Variants in KLHL24 observed in about 807,000 individuals in gnomAD.
The protein encoded by KLHL24 is kelch-like protein 24.
In KLHL24, 29 loss-of-function variants were observed where a neutral mutation model predicts 53.4. The observed-to-expected ratio is 0.54, with a 90% CI of 0.40 to 0.74. The LOEUF (loss-of-function observed/expected upper bound fraction) is 0.74. Ranked by LOEUF, KLHL24 falls within the 30% of genes least tolerant of loss-of-function variation. The pLI, the probability that KLHL24 is intolerant of heterozygous loss-of-function variation, is 0.00. For missense variants in KLHL24, 504 were observed against 744.0 expected (o/e 0.68, Z 3.75); for synonymous variants, 222 against 253.7 (o/e 0.88, Z 1.19).
chr3:183,675,194 T>A (rs2108891552), intron 7 of KLHL24, among the ~76,000 whole-genome samples: 1 of 152,302 alleles, frequency 6.6e-6, no homozygotes, highest in East Asian at 1.9e-4. Context: ...CAGAGGGACT[T>A]AATTTTAAGA....
At chr3:183,647,667 C>T (rs933312453) in intron 2 of KLHL24, among the ~76,000 whole-genome samples, 7 of 150,548 alleles carry the variant, frequency 4.6e-5, no homozygotes, top group Non-Finnish European at 8.9e-5. Flanking sequence ...GCCAAGATGG[C>T]GCCACTACAC....
intron 5 of KLHL24, 67 bp downstream of exon 5, chr3:183,665,106 T>G: frequency 1.3e-6 from 1 of 795,344 alleles, no homozygotes; most frequent in Non-Finnish European, 2.2e-6. Flanking sequence ...AGCTGAATCT[T>G]TCATTTTACT....
At chr3:183,638,447 C>CTACTA (rs1715744170) in intron 1 of KLHL24, among the ~76,000 whole-genome samples, 1 of 151,674 alleles carries the variant, frequency 6.6e-6, no homozygotes, top group African/African-American at 2.4e-5. Flanking sequence ...TTATTTTTGT[C>CTACTA]TATTTGACAA....
At chr3:183,662,693 T>G (rs888186036) in intron 3 of KLHL24, among the ~76,000 whole-genome samples, 2 of 152,194 alleles carry the variant, frequency 1.3e-5, no homozygotes, top group Non-Finnish European at 2.9e-5. Flanking sequence ...GTTTTTTGCA[T>G]TCTAAAAATA....
At chr3:183,656,227 C>G (rs912011544) in intron 3 of KLHL24, among the ~76,000 whole-genome samples, 1 of 151,808 alleles carries the variant, frequency 6.6e-6, no homozygotes, top group East Asian at 1.9e-4. Context: ...TGGGGTTTCC[C>G]CATGTTGCTC....
chr3:183,656,807 C>T (rs1221011054), intron 3 of KLHL24, among the ~76,000 whole-genome samples: 5 of 151,936 alleles, frequency 3.3e-5, no homozygotes, highest in African/African-American at 9.7e-5. Context: ...CGCCTGTAAT[C>T]CCAGCTCTCA....
At chr3:183,637,781 C>A (rs895743283) in intron 1 of KLHL24, among the ~76,000 whole-genome samples, 1 of 152,186 alleles carries the variant, frequency 6.6e-6, no homozygotes, top group East Asian at 1.9e-4. Flanking sequence ...GCCTTAGTTT[C>A]CCGAGTAGCT....
rs1184117914 is a variant in KLHL24, at chr3:183,660,578, G to A, written c.921-2880G>A. Among the ~76,000 whole-genome samples, 4 of 151,992 alleles carry A rather than the reference G, an allele frequency of 2.6e-5. No individual in the cohort carries two copies. The East Asian group carries it at 5.8e-4, about 22-fold the overall frequency. ...TTAAGTAAGATGAGCATCTTTGGTG[G>A]CTACATATTTAAGCATGTCTGTGAT... On this transcript the variant is annotated intron_variant, in intron 3 of 7. Transcript: ENST00000242810.
intron 6 of KLHL24, 105 bp from the exon 7 acceptor site, chr3:183,672,191 A>G (rs1721420930): frequency 5.5e-6 from 3 of 544,910 alleles, no homozygotes; most frequent in Admixed American, 7.5e-5. Flanking sequence ...CTGAATTAAT[A>G]GGATTTTATT....
chr3:183,646,976 A>T (rs1219600436), intron 2 of KLHL24, among the ~76,000 whole-genome samples: 2 of 133,778 alleles, frequency 1.5e-5, no homozygotes, highest in African/African-American at 2.8e-5. Flanking sequence ...CGCCCAGCTA[A>T]TTTTTTTTTT....
At chr3:183,645,786 C>T (rs1272024497) in intron 2 of KLHL24, among the ~76,000 whole-genome samples, 1 of 152,148 alleles carries the variant, frequency 6.6e-6, no homozygotes, top group Admixed American at 6.5e-5. Flanking sequence ...CCATAACATA[C>T]ATGTAGAGGA....
chr3:183,644,160 G>A (rs1372733122), intron 2 of KLHL24: 2 of 144,474 alleles, frequency 1.4e-5, no homozygotes, highest in Non-Finnish European at 3.0e-5. Flanking sequence ...CCTGTCTCCT[G>A]GGTTCAAGTG....
chr3:183,641,949 G>A (rs116650485), intron 1 of KLHL24, among the ~76,000 whole-genome samples: 16 of 152,228 alleles, frequency 1.1e-4, no homozygotes, highest in African/African-American at 3.4e-4. Flanking sequence ...AAATGTCCAG[G>A]TGAATTGCCT....
chr3:183,668,115 C>T (rs1720832411), intron 5 of KLHL24, among the ~76,000 whole-genome samples: 1 of 150,542 alleles, frequency 6.6e-6, no homozygotes, highest in Non-Finnish European at 1.5e-5. Flanking sequence ...GACAGATTTA[C>T]TGGAAATAAA....
At position 183,680,685 on chromosome 3, in the gene KLHL24, T is replaced by G. The variant is rs1337469637; in HGVS notation, c.*1399T>G. The G allele has an allele frequency of 6.6e-6, 1 of 152,204 alleles. No individual in the cohort carries two copies. The highest frequency in any genetic ancestry group is 1.5e-5 in the Non-Finnish European group (1 of 68,022). The allele number at this position is 152,204 out of a possible 1,614,324, so 9.4% of individuals were successfully genotyped here. ...AGTTTTCAGAGAGGAATGTGAATTTTTTTTCTAATGCAAATAAATGGATAT... is the reference window on the plus strand; with the variant it reads ...AGTTTTCAGAGAGGAATGTGAATTTGTTTTCTAATGCAAATAAATGGATAT... On this transcript the variant is annotated 3_prime_UTR_variant, in exon 8 of 8. Transcript: ENST00000242810.
intron 6 of KLHL24, 28 bp downstream of exon 6, chr3:183,671,250 C>A: frequency 6.3e-7 from 1 of 1,579,328 alleles, no homozygotes; most frequent in East Asian, 2.3e-5. Context: ...AAAGAAATTA[C>A]CAATATTAAG....
At chr3:183,640,405 ATTGT>A (rs1212551804) in intron 1 of KLHL24, among the ~76,000 whole-genome samples, 1 of 152,072 alleles carries the variant, frequency 6.6e-6, no homozygotes, top group Non-Finnish European at 1.5e-5. Flanking sequence ...AGTCTGACAC[ATTGT>A]TTAAGCTTTC....
rs535437172 is a variant in KLHL24, at chr3:183,680,829, A to G, written c.*1543A>G. Reference sequence around the variant, plus strand: ...TGACTTCCAGTCACTGTTGTCTTTCACATTATAATTTGTATATTTCTTGTG... The same window carrying G: ...TGACTTCCAGTCACTGTTGTCTTTCGCATTATAATTTGTATATTTCTTGTG... On this transcript the variant is annotated 3_prime_UTR_variant, in exon 8 of 8. Coordinates refer to ENST00000242810, the MANE Select transcript of KLHL24 (RefSeq NM_017644.3). 8.5e-5 allele frequency: 13 copies of G among 152,296 alleles called. No individual in the cohort carries two copies. Among genetic ancestry groups the G allele is most frequent in the African/African-American group, 2.9e-4 (12 of 41,564 alleles). The allele number at this position is 152,296 out of a possible 1,614,324, so 9.4% of individuals were successfully genotyped here. A position where few individuals can be genotyped will look rare whatever the true frequency, so the allele number is the denominator to read the frequency against.
chr3:183,669,549 G>T (rs1721060633), intron 5 of KLHL24, among the ~76,000 whole-genome samples: 1 of 152,102 alleles, frequency 6.6e-6, no homozygotes, highest in South Asian at 2.1e-4. Flanking sequence ...TAGTGTTGGG[G>T]ACACAAACTC....
Sources: allele counts gnomAD v4.1 joint callset (sites outside exome capture counted in the v4.1 genomes callset), GRCh38; gene constraint gnomAD v4.1.1; transcripts MANE v1.5; gene names NCBI Gene and HGNC (gene_info 2026-07-23, HGNC 2026-07-21).